RASSF3: variants seen among roughly 807,000 people sequenced by gnomAD.
The protein encoded by RASSF3 is Ras association domain family member 3, also known as ras association domain-containing protein 3.
RASSF3 carries 19 observed loss-of-function variants against 19.9 expected under a neutral mutation model. The observed-to-expected ratio is 0.96, with a 90% CI of 0.67 to 1.40. The LOEUF (loss-of-function observed/expected upper bound fraction) is 1.40. Among genes scored for constraint, RASSF3 ranks in the 40% most tolerant of loss-of-function variants. RASSF3 has a pLI of 0.00. For missense variants in RASSF3, 306 were observed against 289.8 expected, an observed-to-expected ratio of 1.06 and a Z score of -0.41; for synonymous variants, 110 against 104.2, an observed-to-expected ratio of 1.06 and a Z score of -0.34.
At chr12:64,634,967 C>CTTTTTTTTTTTTTTT in intron 1 of RASSF3, among the ~76,000 whole-genome samples, 1 of 128,130 alleles carries the variant, frequency 7.8e-6, no homozygotes, top group Non-Finnish European at 1.7e-5. Flanking sequence ...CTTTTCTTTT[C>CTTTTTTTTTTTTTTT]TTTTTTTTTT....
chr12:64,641,541 A>G (rs1871530473), intron 1 of RASSF3, among the ~76,000 whole-genome samples: 1 of 151,778 alleles, frequency 6.6e-6, no homozygotes, highest in South Asian at 2.1e-4. Context: ...CATGCCTGTA[A>G]TCCCAGCACT....
At chr12:64,689,788 A>ATTCTTTTTTTTTT (rs1868254434) in intron 3 of RASSF3, among the ~76,000 whole-genome samples, 3 of 42,918 alleles carry the variant, frequency 7.0e-5, no homozygotes, top group African/African-American at 2.3e-4. Flanking sequence ...TAATTCGCTA[A>ATTCTTTTTTTTTT]TTCTTTTTTT....
At chr12:64,595,623 G>A (rs750932359) in intron 2 of RASSF3, among the ~76,000 whole-genome samples, 3 of 152,060 alleles carry the variant, frequency 2.0e-5, no homozygotes, top group Non-Finnish European at 2.9e-5. Context: ...AGGCCTCCAT[G>A]TACAGAACCT....
At chr12:64,649,191 G>GT (rs34617778) in intron 1 of RASSF3, among the ~76,000 whole-genome samples, 42,023 of 145,114 alleles carry the variant, frequency 0.29, 6,416 homozygotes, top group Non-Finnish European at 0.36. Flanking sequence ...AGCCATCTGG[G>GT]TTTTTTTTTT....
In RASSF3 at chr12:64,695,231, T is replaced by C. The variant is rs1247225348; in HGVS notation, c.*319T>C. On this transcript the variant is annotated 3_prime_UTR_variant, in exon 5 of 5. Transcript: ENST00000542104. The stretch of plus-strand genomic sequence containing the variant: ...TTTTTTTTTTTGGTTATTTTAATTA[T>C]GTGATGATGCTGTTAAGCTTACAGA... 1 of 235,288 alleles carries C rather than the reference T, an allele frequency of 4.3e-6. No homozygotes were observed. The highest frequency in any genetic ancestry group is 8.3e-6 in the Non-Finnish European group (1 of 121,018). The allele number at this position is 235,288 out of a possible 1,614,324, so 14.6% of individuals were successfully genotyped here. A position where few individuals can be genotyped will look rare whatever the true frequency, so the allele number is the denominator to read the frequency against.
downstream of RASSF3, among the ~76,000 whole-genome samples, chr12:64,543,840 G>C (rs528247956): frequency 5.3e-5 from 8 of 151,978 alleles, no homozygotes; most frequent in East Asian, 1.4e-3. Flanking sequence ...GTCTAGCTCA[G>C]GCTTTGTAAA....
chr12:64,629,974 A>T (rs1871120775), intron 1 of RASSF3: 1 of 150,510 alleles, frequency 6.6e-6, no homozygotes, highest in Admixed American at 6.6e-5. Flanking sequence ...AAAAAAAAAA[A>T]AAAGAAAAAG....
intron 1 of RASSF3, among the ~76,000 whole-genome samples, chr12:64,662,985 T>C (rs1378286205): frequency 6.6e-6 from 1 of 152,166 alleles, no homozygotes; most frequent in Non-Finnish European, 1.5e-5. Flanking sequence ...CAATAAATTT[T>C]AGCTATTAAC....
intron 2 of RASSF3, among the ~76,000 whole-genome samples, chr12:64,585,125 C>T (rs1336115982): frequency 6.6e-6 from 1 of 152,118 alleles, no homozygotes; most frequent in Non-Finnish European, 1.5e-5. Flanking sequence ...ACCTCATGAT[C>T]TGCCTGCCTC....
intron 1 of RASSF3, among the ~76,000 whole-genome samples, chr12:64,638,746 T>C (rs1293895905): frequency 6.6e-6 from 1 of 152,182 alleles, no homozygotes; most frequent in African/African-American, 2.4e-5. Flanking sequence ...ATCTACTTTA[T>C]ACTTTTATTA....
chr12:64,567,368 G>A (rs961872428), intron 2 of RASSF3, among the ~76,000 whole-genome samples: 1 of 152,148 alleles, frequency 6.6e-6, no homozygotes, highest in Non-Finnish European at 1.5e-5. Flanking sequence ...ATCTCCTCTG[G>A]TTCCTGGGCA....
intron 1 of RASSF3, chr12:64,628,290 A>G (rs1871058988): frequency 6.6e-6 from 1 of 152,168 alleles, no homozygotes; most frequent in African/African-American, 2.4e-5. Flanking sequence ...TATAAATATA[A>G]TATCAAGAAC....
At chr12:64,526,528 T>TA (rs1269250975) in intron 1 of RASSF3, among the ~76,000 whole-genome samples, 3 of 146,878 alleles carry the variant, frequency 2.0e-5, no homozygotes, top group Admixed American at 1.4e-4. Context: ...CAAAACTTTT[T>TA]AAAAAATGAG....
At chr12:64,618,893 A>G (rs943205092) in intron 1 of RASSF3, among the ~76,000 whole-genome samples, 1 of 152,170 alleles carries the variant, frequency 6.6e-6, no homozygotes, top group Non-Finnish European at 1.5e-5. Flanking sequence ...GATTTTGAAG[A>G]TTAGAAATGT....
intron 4 of RASSF3, among the ~76,000 whole-genome samples, chr12:64,693,037 G>A (rs1190929891): frequency 6.6e-6 from 1 of 151,798 alleles, no homozygotes; most frequent in Admixed American, 6.6e-5. Context: ...TTTATATGAT[G>A]TCTTTATTTT....
intron 2 of RASSF3, among the ~76,000 whole-genome samples, chr12:64,550,921 G>T (rs1459489860): frequency 6.6e-6 from 1 of 150,634 alleles, no homozygotes; most frequent in Non-Finnish European, 1.5e-5. Context: ...CCGGCTCACT[G>T]CTAAGGGAAT....
At chr12:64,545,453 A>G (rs566179963), downstream of RASSF3, among the ~76,000 whole-genome samples, 13 of 152,334 alleles carry the variant, frequency 8.5e-5, no homozygotes, top group African/African-American at 3.1e-4. Context: ...GTATTTTGAT[A>G]TTTAATTTAT....
At chr12:64,604,888 G>A (rs1870161249) in intron 2 of RASSF3, among the ~76,000 whole-genome samples, 1 of 151,538 alleles carries the variant, frequency 6.6e-6, no homozygotes, top group African/African-American at 2.4e-5. Flanking sequence ...GCCTCCCAAA[G>A]TGCCGGGATT....
chr12:64,588,152 T>C (rs540886633), intron 2 of RASSF3, among the ~76,000 whole-genome samples: 109 of 152,188 alleles, frequency 7.2e-4, no homozygotes, highest in Non-Finnish European at 1.4e-3. Flanking sequence ...TCTCAGCTCA[T>C]TGCAATCTCC....
Sources: allele counts gnomAD v4.1 joint callset (sites outside exome capture counted in the v4.1 genomes callset), GRCh38; gene constraint gnomAD v4.1.1; transcripts MANE v1.5; gene names NCBI Gene and HGNC (gene_info 2026-07-23, HGNC 2026-07-21).